ATG5: variants seen among roughly 807,000 people sequenced by gnomAD.
The protein encoded by ATG5 is autophagy protein 5.
A neutral mutation model predicts 36.5 loss-of-function variants in ATG5; 14 were observed. That is an observed-to-expected ratio of 0.38 (90% confidence interval 0.25 to 0.60). ATG5 has a LOEUF of 0.60. Ranked by LOEUF, ATG5 falls within the 20% of genes least tolerant of loss-of-function variation. The pLI is 0.60. For missense variants in ATG5, 195 were observed against 326.7 expected (o/e 0.60, Z 3.11); for synonymous variants, 95 against 101.5 (o/e 0.94, Z 0.38).
At chr6:106,275,574 C>T (rs922047658) in intron 5 of ATG5, among the ~76,000 whole-genome samples, 14 of 152,046 alleles carry the variant, frequency 9.2e-5, no homozygotes, top group Admixed American at 2.6e-4. Flanking sequence ...TTTAATCAAA[C>T]GTCACTTTAA....
chr6:106,248,087 G>C, intron 6 of ATG5, 63 bp downstream of exon 6: 2 of 1,253,866 alleles, frequency 1.6e-6, no homozygotes, highest in South Asian at 2.4e-5. Context: ...CTACACTAGA[G>C]TGCTTCAATT....
At chr6:106,241,531 T>C (rs1265942093) in intron 6 of ATG5, among the ~76,000 whole-genome samples, 1 of 152,358 alleles carries the variant, frequency 6.6e-6, no homozygotes, top group Non-Finnish European at 1.5e-5. Context: ...TGTACACCCA[T>C]TTCAACATTT....
At chr6:106,309,818 T>C (rs563770034) in intron 2 of ATG5, among the ~76,000 whole-genome samples, 1 of 152,286 alleles carries the variant, frequency 6.6e-6, no homozygotes, top group Non-Finnish European at 1.5e-5. Flanking sequence ...AATCTATTAG[T>C]CTAATAAGGT....
At chr6:106,311,430 A>G (rs571294702) in intron 2 of ATG5, among the ~76,000 whole-genome samples, 2 of 152,320 alleles carry the variant, frequency 1.3e-5, no homozygotes, top group East Asian at 3.9e-4. Context: ...GACAAATAGG[A>G]GTGAAATGAA....
In ATG5 at chr6:106,184,604, T is replaced by C. The variant is rs988016542; in HGVS notation, c.*1936A>G. 9.2e-5 allele frequency: 14 copies of C among 152,304 alleles called. No individual in the cohort carries two copies. The highest frequency in any genetic ancestry group is 3.4e-4 in the African/African-American group (14 of 41,452). The allele number at this position is 152,304 out of a possible 1,614,324, so 9.4% of individuals were successfully genotyped here. On this transcript the variant is annotated 3_prime_UTR_variant, in exon 8 of 8. Coordinates refer to ENST00000369076, the MANE Select transcript of ATG5 (RefSeq NM_004849.4). ...TAGGGCATTGTAGGCTTGACTTACC[T>C]GGGATTAGAGTAATAAAGCTATGAT...
intron 1 of ATG5, among the ~76,000 whole-genome samples, chr6:106,321,984 A>G (rs1378479462): frequency 6.6e-6 from 1 of 152,212 alleles, no homozygotes; most frequent in African/African-American, 2.4e-5. Context: ...TCTCCAAATC[A>G]GTATAGTCGC....
intron 6 of ATG5, among the ~76,000 whole-genome samples, chr6:106,233,880 T>G (rs2114472250): frequency 1.3e-5 from 2 of 152,280 alleles, no homozygotes; most frequent in East Asian, 3.9e-4. Flanking sequence ...CAAGAGTTTC[T>G]ATGAAGAATG....
At chr6:106,214,958 T>C (rs1212015568) in intron 6 of ATG5, among the ~76,000 whole-genome samples, 1 of 152,204 alleles carries the variant, frequency 6.6e-6, no homozygotes, top group Non-Finnish European at 1.5e-5. Context: ...CCAAAAGATC[T>C]GAAAAATCAT....
chr6:106,235,186 C>T (rs930690332), intron 6 of ATG5, among the ~76,000 whole-genome samples: 2 of 152,176 alleles, frequency 1.3e-5, no homozygotes, highest in African/African-American at 4.8e-5. Flanking sequence ...TGATACTCCT[C>T]TTTGGACCCT....
chr6:106,228,565 A>C (rs1241539373), intron 6 of ATG5, among the ~76,000 whole-genome samples: 1 of 152,112 alleles, frequency 6.6e-6, no homozygotes, highest in East Asian at 1.9e-4. Context: ...GTCAGAGAAC[A>C]CGAGGCTTGC....
At chr6:106,318,193 T>C (rs993447447) in intron 1 of ATG5, among the ~76,000 whole-genome samples, 2 of 152,176 alleles carry the variant, frequency 1.3e-5, no homozygotes, top group African/African-American at 2.4e-5. Flanking sequence ...CAAGGAGGAA[T>C]AGTAATCTGA....
At chr6:106,284,036 T>G (rs1288906645) in intron 4 of ATG5, among the ~76,000 whole-genome samples, 2 of 152,208 alleles carry the variant, frequency 1.3e-5, no homozygotes, top group Non-Finnish European at 2.9e-5. Flanking sequence ...TATACTCCAT[T>G]GTAAGGATAC....
At chr6:106,265,815 C>T (rs536085718) in intron 5 of ATG5, among the ~76,000 whole-genome samples, 33 of 152,086 alleles carry the variant, frequency 2.2e-4, no homozygotes, top group Admixed American at 4.6e-4. Flanking sequence ...AAAGAGACAA[C>T]GTACCAGAAT....
chr6:106,215,070 T>A (rs549050388), intron 6 of ATG5, among the ~76,000 whole-genome samples: 1 of 152,236 alleles, frequency 6.6e-6, no homozygotes, highest in Non-Finnish European at 1.5e-5. Flanking sequence ...ACAAAAAGAA[T>A]GTAATTAATA....
chr6:106,284,070 A>C (rs1779984546), intron 4 of ATG5, among the ~76,000 whole-genome samples: 1 of 152,206 alleles, frequency 6.6e-6, no homozygotes, highest in Admixed American at 6.5e-5. Flanking sequence ...TTTATTCATC[A>C]GCTGATGGAC....
chr6:106,248,129 T>C, intron 6 of ATG5, 21 bp downstream of exon 6: 7 of 1,545,962 alleles, frequency 4.5e-6, no homozygotes, highest in Non-Finnish European at 6.3e-6. Flanking sequence ...AATGGATGTT[T>C]TTTAAAATGT....
chr6:106,279,698 T>C lies in ATG5; in HGVS notation c.441A>G (p.Lys147=), dbSNP rs1779800799. The change falls in exon 5 of 8, where the codon AAA becomes AAG. Residue 147 remains lysine (K), a synonymous_variant. Coordinates refer to ENST00000369076, the MANE Select transcript of ATG5 (RefSeq NM_004849.4). ...CCATCCAGAGTTGCTTGTGATCTTT[T>C]TTCTGCATTTCATTGATTACTTGAC... The part of the protein sequence containing the change: ...HKSQVINEMQ[K]KDHKQLWMGL... The C allele has an allele frequency of 4.4e-6, 7 of 1,604,510 alleles. No homozygotes were observed. Among genetic ancestry groups the C allele is most frequent in the Non-Finnish European group, 6.0e-6 (7 of 1,176,058 alleles).
chr6:106,230,019 C>T (rs973206898), intron 6 of ATG5, among the ~76,000 whole-genome samples: 11 of 152,202 alleles, frequency 7.2e-5, no homozygotes, highest in African/African-American at 2.4e-4. Flanking sequence ...GGATTTAAAT[C>T]TTAATTACCA....
intron 1 of ATG5, among the ~76,000 whole-genome samples, chr6:106,324,695 T>C (rs754093200): frequency 7.9e-5 from 12 of 152,230 alleles, no homozygotes; most frequent in Non-Finnish European, 1.6e-4. Flanking sequence ...CCCCCAATTT[T>C]AAGTAGCATA....
Sources: allele counts gnomAD v4.1 joint callset (sites outside exome capture counted in the v4.1 genomes callset), GRCh38; gene constraint gnomAD v4.1.1; transcripts MANE v1.5; gene names NCBI Gene and HGNC (gene_info 2026-07-23, HGNC 2026-07-21).